The following GRIK4 variants were observed in gnomAD, a reference collection of about 807,000 sequenced individuals.
GRIK4 encodes glutamate ionotropic receptor kainate type subunit 4.
In GRIK4, 40 loss-of-function variants were observed where a neutral mutation model predicts 104.9. That is an observed-to-expected ratio of 0.38 (90% CI 0.30 to 0.50). GRIK4 has a LOEUF of 0.50. Among genes scored for constraint, GRIK4 ranks in the 20% least tolerant of loss-of-function variants. GRIK4 has a pLI of 0.93. For missense variants in GRIK4, 1,047 were observed against 1,308.1 expected (o/e 0.80, Z 3.08); for synonymous variants, 485 against 524.9 (o/e 0.92, Z 1.04).
intron 1 of GRIK4, among the ~76,000 whole-genome samples, chr11:120,547,947 G>A (rs1312252299): frequency 1.3e-5 from 2 of 152,228 alleles, no homozygotes; most frequent in Non-Finnish European, 2.9e-5. Flanking sequence ...ACCTGCCAGG[G>A]TGGGCGGAGC....
At chr11:120,723,756 G>T (rs1054754585) in intron 3 of GRIK4, among the ~76,000 whole-genome samples, 3 of 151,800 alleles carry the variant, frequency 2.0e-5, no homozygotes, top group Admixed American at 2.0e-4. Context: ...AAGCTGTGAC[G>T]CTCCAAACCA....
At chr11:120,694,686 A>T (rs1950413854) in intron 3 of GRIK4, among the ~76,000 whole-genome samples, 1 of 152,154 alleles carries the variant, frequency 6.6e-6, no homozygotes, top group South Asian at 2.1e-4. Flanking sequence ...CAGGAGGTGA[A>T]CACTGAGGCT....
In GRIK4 at chr11:120,511,794, G is replaced by A; in HGVS notation, c.-252G>A. On this transcript the variant is annotated 5_prime_UTR_variant, in exon 1 of 21. Coordinates refer to ENST00000527524, the MANE Select transcript of GRIK4 (RefSeq NM_014619.5). ...GGATCGGGCTGGAGCCGCCACGGCT[G>A]CTGCGGAAGAGGAAAAACGGCCAAC... 2.8e-6 allele frequency: 1 copy of A among 361,116 alleles called. No homozygotes were observed. Among genetic ancestry groups the A allele is most frequent in the Non-Finnish European group, 5.6e-6 (1 of 178,824 alleles). 22.4% of individuals were successfully genotyped at this position (361,116 alleles called of 1,614,324 possible). A position where few individuals can be genotyped will look rare whatever the true frequency, so the allele number is the denominator to read the frequency against.
intron 20 of GRIK4, among the ~76,000 whole-genome samples, chr11:120,982,860 TG>T (rs1944674838): frequency 6.6e-6 from 1 of 152,220 alleles, no homozygotes; most frequent in South Asian, 2.1e-4. Context: ...ACAGTGCCCC[TG>T]GAAGTCCGTG....
intron 3 of GRIK4, among the ~76,000 whole-genome samples, chr11:120,762,077 G>T (rs1951761404): frequency 6.6e-6 from 1 of 152,154 alleles, no homozygotes; most frequent in Non-Finnish European, 1.5e-5. Context: ...CTATCCATGA[G>T]CATGGAATGT....
chr11:120,955,477 G>T (rs891836198), intron 15 of GRIK4, among the ~76,000 whole-genome samples: 2 of 152,216 alleles, frequency 1.3e-5, no homozygotes, highest in African/African-American at 4.8e-5. Flanking sequence ...CCCTCCTGGG[G>T]GTGCACACCT....
chr11:120,805,225 T>C (rs1318819680), intron 4 of GRIK4, among the ~76,000 whole-genome samples: 4 of 152,144 alleles, frequency 2.6e-5, no homozygotes, highest in Non-Finnish European at 5.9e-5. Context: ...TGTTTCCTTG[T>C]CCAGGGAGGC....
intron 8 of GRIK4, among the ~76,000 whole-genome samples, chr11:120,846,094 A>T (rs950947520): frequency 2.6e-5 from 4 of 152,216 alleles, no homozygotes; most frequent in African/African-American, 9.6e-5. Flanking sequence ...GAAGATGGAA[A>T]TATGTTCAGA....
At chr11:120,602,168 C>T (rs940152565) in intron 1 of GRIK4, among the ~76,000 whole-genome samples, 3 of 152,168 alleles carry the variant, frequency 2.0e-5, no homozygotes, top group African/African-American at 4.8e-5. Context: ...GAGCCAGCTC[C>T]GTAGATTGCC....
At chr11:120,627,253 T>C (rs1949272545) in intron 1 of GRIK4, among the ~76,000 whole-genome samples, 1 of 152,218 alleles carries the variant, frequency 6.6e-6, no homozygotes, top group Admixed American at 6.5e-5. Context: ...TCACAAGAAA[T>C]TATCATTCTC....
intron 1 of GRIK4, among the ~76,000 whole-genome samples, chr11:120,547,594 AT>A (rs72165599): frequency 0.12 from 17,041 of 144,858 alleles, 3,123 homozygotes; most frequent in African/African-American, 0.39. Context: ...ACATTCAGGG[AT>A]TTTTTTTTTT....
At chr11:120,806,363 T>C (rs1176642787) in intron 4 of GRIK4, among the ~76,000 whole-genome samples, 1 of 152,158 alleles carries the variant, frequency 6.6e-6, no homozygotes, top group Non-Finnish European at 1.5e-5. Flanking sequence ...ATCTGATAGC[T>C]CTGAGCCTTT....
chr11:120,522,774 G>T (rs1456086026), intron 1 of GRIK4, among the ~76,000 whole-genome samples: 1 of 152,198 alleles, frequency 6.6e-6, no homozygotes, highest in Non-Finnish European at 1.5e-5. Flanking sequence ...TGGCCAGGAA[G>T]ACAACAGCCT....
chr11:120,558,965 C>A (rs1393226488), intron 1 of GRIK4, among the ~76,000 whole-genome samples: 1 of 152,160 alleles, frequency 6.6e-6, no homozygotes, highest in Non-Finnish European at 1.5e-5. Context: ...TGCTGAAGGG[C>A]ACTCATATTT....
Position 120,985,948 on chromosome 11 carries a change from C to A in GRIK4, c.2559C>A (p.Ile853=), listed in dbSNP as rs1395610372. 8 of 1,549,472 alleles carry A rather than the reference C, an allele frequency of 5.2e-6. No individual in the cohort carries two copies. The highest frequency in any genetic ancestry group is 6.1e-6 in the Non-Finnish European group (7 of 1,146,604). ...TGGTGACCGAGCTGCGCAGCATTAT[C>A]CTGTGTCAGGACAGTATCCACCCCC... ...QEMVTELRSI[I]LCQDSIHPRR... Residue 853 remains isoleucine, a synonymous_variant, in exon 21 of 21, where the codon ATC becomes ATA. Coordinates refer to ENST00000527524, the MANE Select transcript of GRIK4 (RefSeq NM_014619.5).
chr11:120,621,310 G>T (rs145134653), intron 1 of GRIK4, among the ~76,000 whole-genome samples: 9 of 152,304 alleles, frequency 5.9e-5, no homozygotes, highest in Admixed American at 1.3e-4. Context: ...GGCCTGCAAG[G>T]CCCCCTGCTA....
At chr11:120,521,804 C>T (rs1022637361) in intron 1 of GRIK4, among the ~76,000 whole-genome samples, 6 of 152,198 alleles carry the variant, frequency 3.9e-5, no homozygotes, top group Admixed American at 1.3e-4. Flanking sequence ...TGAAGTAACT[C>T]GAGATCATTG....
At chr11:120,911,925 A>G (rs1019970063) in intron 13 of GRIK4, among the ~76,000 whole-genome samples, 2 of 152,196 alleles carry the variant, frequency 1.3e-5, no homozygotes, top group Admixed American at 6.5e-5. Context: ...AAGGTTTTAA[A>G]AAACTAAAAA....
chr11:120,615,267 G>T (rs1949095955), intron 1 of GRIK4, among the ~76,000 whole-genome samples: 1 of 152,168 alleles, frequency 6.6e-6, no homozygotes. Flanking sequence ...ATCTTTCCTG[G>T]CTGCGCTCAC....
Sources: allele counts gnomAD v4.1 joint callset (sites outside exome capture counted in the v4.1 genomes callset), GRCh38; gene constraint gnomAD v4.1.1; transcripts MANE v1.5; gene names NCBI Gene and HGNC (gene_info 2026-07-23, HGNC 2026-07-21).